SOX5: variants seen among roughly 807,000 people sequenced by gnomAD.
SOX5 encodes the protein SRY-box transcription factor 5, also known as transcription factor SOX-5.
SOX5 carries 9 observed loss-of-function variants against 92.0 expected under a neutral mutation model. That is an observed-to-expected ratio of 0.10 (90% CI 0.06 to 0.17). The LOEUF is 0.17. Ranked by LOEUF, SOX5 falls within the 10% of genes least tolerant of loss-of-function variation. SOX5 has a pLI of 1.00. For missense variants in SOX5, 642 were observed against 944.5 expected (o/e 0.68, Z 4.20); for synonymous variants, 344 against 336.3 (o/e 1.02, Z -0.25).
At chr12:23,556,903 T>C (rs1179498413) in intron 11 of SOX5, among the ~76,000 whole-genome samples, 1 of 152,180 alleles carries the variant, frequency 6.6e-6, no homozygotes, top group East Asian at 1.9e-4. Flanking sequence ...GCTGGCCCCA[T>C]CCATCAGATG....
At chr12:24,437,508 A>G (rs1271027749) in intron 1 of SOX5, among the ~76,000 whole-genome samples, 1 of 152,252 alleles carries the variant, frequency 6.6e-6, no homozygotes, top group Non-Finnish European at 1.5e-5. Flanking sequence ...GCACAGCAAA[A>G]GAAACTATCA....
At chr12:24,160,464 T>C (rs960415670) in intron 4 of SOX5, among the ~76,000 whole-genome samples, 2 of 151,984 alleles carry the variant, frequency 1.3e-5, no homozygotes, top group Non-Finnish European at 2.9e-5. Flanking sequence ...GGCCATTAAA[T>C]ATTTATAATC....
At chr12:24,495,241 C>T (rs916688379) in intron 1 of SOX5, among the ~76,000 whole-genome samples, 3 of 152,084 alleles carry the variant, frequency 2.0e-5, no homozygotes, top group African/African-American at 7.2e-5. Flanking sequence ...TGTTATGGCC[C>T]CTGCAGCACA....
At chr12:23,877,922 A>G (rs1251602228) in intron 2 of SOX5, among the ~76,000 whole-genome samples, 3 of 151,916 alleles carry the variant, frequency 2.0e-5, no homozygotes, top group Non-Finnish European at 4.4e-5. Context: ...GTTTTCTCAC[A>G]GTTCATTAAT....
In SOX5 at chr12:24,211,905, T is replaced by C. The variant is rs140232453; in HGVS notation, c.-2+1438A>G. On this transcript the variant is annotated intron_variant, in intron 4 of 4. Transcript: ENST00000446891. ...CAATTTAAGGCCAATATTTATATAA[T>C]TGTTGGATGACAAGAACATCCACAA... 3.9e-5 allele frequency among the ~76,000 whole-genome samples: 6 copies of C among 152,380 alleles called. 1 individual carries two copies. Among genetic ancestry groups the C allele is most frequent in the African/African-American group, 1.2e-4 (5 of 41,598 alleles).
intron 1 of SOX5, among the ~76,000 whole-genome samples, chr12:24,549,029 G>A (rs1489096894): frequency 6.6e-6 from 1 of 151,906 alleles, no homozygotes; most frequent in African/African-American, 2.4e-5. Context: ...CTAATTCTAA[G>A]AACACACTCT....
At chr12:24,311,810 C>G (rs1426657757) in intron 2 of SOX5, among the ~76,000 whole-genome samples, 1 of 152,138 alleles carries the variant, frequency 6.6e-6, no homozygotes, top group Non-Finnish European at 1.5e-5. Context: ...CATGAAGTGT[C>G]TATTTGCCTC....
At chr12:24,516,026 C>G (rs1251475581) in intron 1 of SOX5, among the ~76,000 whole-genome samples, 1 of 149,770 alleles carries the variant, frequency 6.7e-6, no homozygotes, top group Non-Finnish European at 1.5e-5. Flanking sequence ...TTGGCTATGG[C>G]AATTTTTTTT....
At chr12:24,524,305 T>C (rs186738432) in intron 1 of SOX5, among the ~76,000 whole-genome samples, 364 of 152,286 alleles carry the variant, frequency 2.4e-3, no homozygotes, top group African/African-American at 8.2e-3. Flanking sequence ...TCATCCTCCA[T>C]ACCCATGAGC....
At chr12:23,757,811 C>A (rs1017565748) in intron 3 of SOX5, among the ~76,000 whole-genome samples, 1 of 151,814 alleles carries the variant, frequency 6.6e-6, no homozygotes, top group African/African-American at 2.4e-5. Context: ...TTTTCCCCTG[C>A]AGCTAGACAA....
At chr12:23,586,043 A>T (rs1289541003) in intron 9 of SOX5, among the ~76,000 whole-genome samples, 1 of 151,930 alleles carries the variant, frequency 6.6e-6, no homozygotes, top group African/African-American at 2.4e-5. Flanking sequence ...AAACCCAGAA[A>T]TCCGCTTGAA....
chr12:24,137,695 T>C (rs1210050685), intron 4 of SOX5, among the ~76,000 whole-genome samples: 2 of 152,190 alleles, frequency 1.3e-5, no homozygotes, highest in Non-Finnish European at 2.9e-5. Context: ...CAAACTTCAT[T>C]CTAGGCCTTT....
chr12:24,385,989 T>C (rs901166399), intron 1 of SOX5, among the ~76,000 whole-genome samples: 6 of 143,338 alleles, frequency 4.2e-5, no homozygotes, highest in Admixed American at 1.4e-4. Flanking sequence ...ATTTAAAAGA[T>C]CAAATGTTTT....
chr12:23,997,690 T>A (rs1034098950), intron 4 of SOX5, among the ~76,000 whole-genome samples: 18 of 152,148 alleles, frequency 1.2e-4, no homozygotes, highest in African/African-American at 4.3e-4. Context: ...GAAACGCTGA[T>A]CCATCAGCAA....
chr12:23,912,878 A>T (rs1313295982), intron 1 of SOX5, among the ~76,000 whole-genome samples: 1 of 152,176 alleles, frequency 6.6e-6, no homozygotes, highest in African/African-American at 2.4e-5. Flanking sequence ...TAGTCACAAG[A>T]TGTCTTTTAG....
intron 3 of SOX5, among the ~76,000 whole-genome samples, chr12:23,813,550 A>T (rs760682978): frequency 6.6e-6 from 1 of 152,210 alleles, no homozygotes; most frequent in Non-Finnish European, 1.5e-5. Context: ...AAGGTATTCC[A>T]CATGTGCTTT....
intron 4 of SOX5, among the ~76,000 whole-genome samples, chr12:23,748,952 C>A: frequency 6.6e-6 from 1 of 151,910 alleles, no homozygotes; most frequent in East Asian, 1.9e-4. Context: ...AGAGCTACCA[C>A]ATGGCAAGAC....
intron 1 of SOX5, among the ~76,000 whole-genome samples, chr12:24,444,831 C>T: frequency 6.6e-6 from 1 of 152,214 alleles, no homozygotes. Context: ...TCTGTTGCAA[C>T]TGCATCTCAA....
At chr12:23,749,248 T>C (rs770568188) in intron 4 of SOX5, among the ~76,000 whole-genome samples, 22 of 151,940 alleles carry the variant, frequency 1.4e-4, no homozygotes, top group Non-Finnish European at 2.9e-4. Context: ...TACTGCAATA[T>C]AGATACCCGT....
Sources: gnomAD v4.1 joint callset for allele counts (sites outside exome capture counted in the v4.1 genomes callset) on GRCh38, gnomAD v4.1.1 for gene constraint, MANE v1.5 for transcripts, NCBI Gene and HGNC (gene_info 2026-07-23, HGNC 2026-07-21) for gene names.